SLC24A4: variants seen among roughly 807,000 people sequenced by gnomAD.
SLC24A4 encodes the protein solute carrier family 24 member 4.
A neutral mutation model predicts 79.0 loss-of-function variants in SLC24A4; 53 were observed. That is an observed-to-expected ratio of 0.67 (90% CI 0.54 to 0.84). The LOEUF (loss-of-function observed/expected upper bound fraction) is 0.84, where lower values mean the gene tolerates loss of function less well. Ranked by LOEUF, SLC24A4 falls within the 40% of genes least tolerant of loss-of-function variation. The probability of loss-of-function intolerance (pLI) is 0.00; values close to 1 mark genes in which losing one functional copy is unlikely to be tolerated. For missense variants in SLC24A4, 731 were observed against 822.0 expected (o/e 0.89, Z 1.35); for synonymous variants, 323 against 323.8 (o/e 1.00, Z 0.03).
At chr14:92,366,531 G>A (rs1317797246) in intron 2 of SLC24A4, among the ~76,000 whole-genome samples, 1 of 152,198 alleles carries the variant, frequency 6.6e-6, no homozygotes, top group Non-Finnish European at 1.5e-5. Context: ...AGGTTTTACT[G>A]GAGTGTCATG....
In SLC24A4 at chr14:92,454,056, T is replaced by A; in HGVS notation, c.1037T>A (p.Ile346Asn). 6.2e-7 allele frequency: 1 copy of A among 1,612,966 alleles called. No homozygotes were observed. Among genetic ancestry groups the A allele is most frequent in the Non-Finnish European group, 8.5e-7 (1 of 1,179,484 alleles). Residue 346 changes from isoleucine (I) to asparagine (N), a missense_variant, in exon 11 of 17, where the codon ATC becomes AAC. Ile to Asn is a moderately radical substitution (Grantham distance 149, BLOSUM62 -3). Coordinates refer to ENST00000532405, the MANE Select transcript of SLC24A4 (RefSeq NM_153646.4). ...PRTRLRMASR[I>N]IINERQRLIN... is the part of the protein sequence containing the mutation. ...ACCCGACTACGGATGGCCAGCAGGA[T>A]CATCATTAATGAGGTGAGTTTGCTT...
At position 92,323,626 on chromosome 14, in the gene SLC24A4, G is replaced by A; in HGVS notation, c.-205G>A. The A allele has an allele frequency of 1.9e-6, 1 of 521,142 alleles. No homozygotes were observed. The highest frequency in any genetic ancestry group is 3.7e-5 in the East Asian group (1 of 27,300). The allele number at this position is 521,142 out of a possible 1,614,324, so 32.3% of individuals were successfully genotyped here. A position where few individuals can be genotyped will look rare whatever the true frequency, so the allele number is the denominator to read the frequency against. On this transcript the variant is annotated 5_prime_UTR_variant, in exon 1 of 17. It removes the in-frame stop codon of an upstream open reading frame in the 5' UTR. Coordinates refer to ENST00000532405, the MANE Select transcript of SLC24A4 (RefSeq NM_153646.4). The surrounding 1 kb of genome is among the most constrained non-coding windows in gnomAD (Gnocchi z 4.9). ...GCGCGCACGCGGCGCGCGGGACTCTGAGCTCCGGCCGCGTCGCGCGTCCCC... is the reference window on the plus strand; with the variant it reads ...GCGCGCACGCGGCGCGCGGGACTCTAAGCTCCGGCCGCGTCGCGCGTCCCC...
At chr14:92,416,361 A>G (rs1890987650) in intron 2 of SLC24A4, among the ~76,000 whole-genome samples, 1 of 152,076 alleles carries the variant, frequency 6.6e-6, no homozygotes, top group African/African-American at 2.4e-5. Flanking sequence ...AAGGAAATTG[A>G]GCTGGTGGCA....
chr14:92,492,219 GC>G lies in SLC24A4; in HGVS notation c.1696del (p.Leu566TrpfsTer13). 6.2e-7 allele frequency: 1 copy of G among 1,614,128 alleles called. No individual in the cohort carries two copies. The highest frequency in any genetic ancestry group is 8.5e-7 in the Non-Finnish European group (1 of 1,180,016). On this transcript the variant is annotated frameshift_variant, in exon 16 of 17. Transcript: ENST00000532405. LOFTEE classifies it high-confidence loss of function. ...GGCTGGTCTATTCCGTGGTCCTGTT[GC>G]TGGGCTCTGTCGCTCTCACCGTGAG... Reference protein sequence around the residue: ...RGLVYSVVLLLGSVALTVLGI... With the variant: ...RGLVYSVVLLXGSVALTVLGI...
intron 2 of SLC24A4, among the ~76,000 whole-genome samples, chr14:92,343,581 TTTC>T (rs1194485205): frequency 2.0e-5 from 1 of 50,350 alleles, no homozygotes; most frequent in African/African-American, 8.6e-5. Flanking sequence ...TAATTACTGT[TTTC>T]TTTCTTTCTT....
chr14:92,432,447 G>A (rs954666313), intron 2 of SLC24A4, among the ~76,000 whole-genome samples: 4 of 152,164 alleles, frequency 2.6e-5, no homozygotes, highest in Non-Finnish European at 2.9e-5. Flanking sequence ...GAAATGTCTC[G>A]AATTTTCATG....
At chr14:92,439,591 G>A (rs1892378284) in intron 4 of SLC24A4, among the ~76,000 whole-genome samples, 182 bp downstream of exon 4, 1 of 152,262 alleles carries the variant, frequency 6.6e-6, no homozygotes, top group African/African-American at 2.4e-5. Context: ...GGTCTTGGTG[G>A]ATGGCAGCCT....
chr14:92,411,414 G>C (rs919986356), intron 2 of SLC24A4, among the ~76,000 whole-genome samples: 6 of 152,142 alleles, frequency 3.9e-5, no homozygotes, highest in Non-Finnish European at 7.4e-5. Flanking sequence ...ACTGCTAATA[G>C]CAAACATTTT....
intron 2 of SLC24A4, among the ~76,000 whole-genome samples, chr14:92,346,244 C>T (rs1298869944): frequency 6.6e-6 from 1 of 152,172 alleles, no homozygotes; most frequent in African/African-American, 2.4e-5. Flanking sequence ...GATTTGATAG[C>T]AGATGCAGTG....
At chr14:92,334,692 G>A (rs1042793974) in intron 2 of SLC24A4, among the ~76,000 whole-genome samples, 1 of 152,246 alleles carries the variant, frequency 6.6e-6, no homozygotes, top group Non-Finnish European at 1.5e-5. Flanking sequence ...TTGAGTCCCA[G>A]CTCACCCCTT....
intron 2 of SLC24A4, among the ~76,000 whole-genome samples, chr14:92,361,234 A>G (rs2141665698): frequency 6.6e-6 from 1 of 151,820 alleles, no homozygotes; most frequent in Non-Finnish European, 1.5e-5. Flanking sequence ...TTTTTTGCTG[A>G]AGATAGCATT....
chr14:92,357,846 T>G (rs530920105), intron 2 of SLC24A4, among the ~76,000 whole-genome samples: 94 of 152,354 alleles, frequency 6.2e-4, no homozygotes, highest in African/African-American at 2.1e-3. Flanking sequence ...GTAAATCTTA[T>G]GTGTATTTCA....
intron 2 of SLC24A4, among the ~76,000 whole-genome samples, chr14:92,330,932 C>T (rs190830098): frequency 7.1e-4 from 108 of 152,284 alleles, no homozygotes; most frequent in African/African-American, 2.3e-3. Flanking sequence ...AAGGAACCAG[C>T]GAGTTTCCAC....
chr14:92,347,094 T>C (rs1419861466), intron 2 of SLC24A4, among the ~76,000 whole-genome samples: 1 of 152,222 alleles, frequency 6.6e-6, no homozygotes, highest in Admixed American at 6.5e-5. Flanking sequence ...ATAGGAATGC[T>C]TTACAATCGA....
intron 12 of SLC24A4, among the ~76,000 whole-genome samples, chr14:92,458,077 G>A (rs60599520): frequency 0.22 from 32,729 of 152,088 alleles, 3,634 homozygotes; most frequent in Middle Eastern, 0.3. Flanking sequence ...GGGCATGCTC[G>A]TCGCAGCTAT....
chr14:92,371,379 A>G (rs1268382998), intron 2 of SLC24A4, among the ~76,000 whole-genome samples: 1 of 152,212 alleles, frequency 6.6e-6, no homozygotes, highest in Non-Finnish European at 1.5e-5. Flanking sequence ...AGACACGTCC[A>G]TTGTGGAAAC....
At chr14:92,465,781 G>C (rs1314486251) in intron 12 of SLC24A4, among the ~76,000 whole-genome samples, 1 of 152,012 alleles carries the variant, frequency 6.6e-6, no homozygotes, top group Admixed American at 6.5e-5. Flanking sequence ...GCCTTTATGT[G>C]GTGCTGCCAG....
chr14:92,365,875 G>A (rs1031670291), intron 2 of SLC24A4, among the ~76,000 whole-genome samples: 1 of 152,128 alleles, frequency 6.6e-6, no homozygotes, highest in African/African-American at 2.4e-5. Context: ...GGCAAGATTC[G>A]AACTAGGCTG....
intron 3 of SLC24A4, among the ~76,000 whole-genome samples, chr14:92,434,420 A>G (rs1214981279): frequency 6.6e-6 from 1 of 152,188 alleles, no homozygotes; most frequent in Non-Finnish European, 1.5e-5. Context: ...CCAAGTTAGG[A>G]TGGTTCCACT....
Sources: gnomAD v4.1 joint callset for allele counts (sites outside exome capture counted in the v4.1 genomes callset) on GRCh38, gnomAD v4.1.1 for gene constraint, Gnocchi (gnomAD v3.1) non-coding constraint, MANE v1.5 for transcripts, NCBI Gene and HGNC (gene_info 2026-07-23, HGNC 2026-07-21) for gene names.